Variants in GPLD1 observed in about 807,000 individuals in gnomAD.
The protein encoded by GPLD1 is glycosylphosphatidylinositol specific phospholipase D1.
In GPLD1, 84 loss-of-function variants were observed where a neutral mutation model predicts 112.6. The observed-to-expected ratio is 0.75, with a 90% confidence interval of 0.63 to 0.89. The LOEUF is 0.89. Among genes scored for constraint, GPLD1 ranks in the 40% least tolerant of loss-of-function variants. The probability of loss-of-function intolerance (pLI) is 0.00; values close to 1 mark genes in which losing one functional copy is unlikely to be tolerated. For synonymous variants in GPLD1, 386 were observed against 403.8 expected, an observed-to-expected ratio of 0.96 and a Z score of 0.53; for missense variants, 1,044 against 1,051.5, an observed-to-expected ratio of 0.99 and a Z score of 0.10.
chr6:24,447,218 G>A (rs1365980376), intron 17 of GPLD1, among the ~76,000 whole-genome samples: 1 of 152,058 alleles, frequency 6.6e-6, no homozygotes, highest in Non-Finnish European at 1.5e-5. Flanking sequence ...ATTTAAAAAG[G>A]CTCTGGGCCA....
At chr6:24,449,157 C>G (rs1480349075) in intron 15 of GPLD1, among the ~76,000 whole-genome samples, 4 of 151,856 alleles carry the variant, frequency 2.6e-5, no homozygotes, top group African/African-American at 9.7e-5. Flanking sequence ...GAGCAAAGGT[C>G]GCAAAGTGAG....
At chr6:24,469,921 C>G (rs955966705) in intron 7 of GPLD1, among the ~76,000 whole-genome samples, 1 of 151,854 alleles carries the variant, frequency 6.6e-6, no homozygotes, top group African/African-American at 2.4e-5. Context: ...ATGGCATTCC[C>G]AATAAAAATA....
chr6:24,451,777 T>C (rs1429386735), intron 14 of GPLD1, among the ~76,000 whole-genome samples: 1 of 152,242 alleles, frequency 6.6e-6, no homozygotes, highest in Non-Finnish European at 1.5e-5. Flanking sequence ...GTGGCATCTA[T>C]AAGTGCTGCC....
chr6:24,491,749 T>C (rs1764565421), upstream of GPLD1, among the ~76,000 whole-genome samples: 1 of 151,792 alleles, frequency 6.6e-6, no homozygotes, highest in Non-Finnish European at 1.5e-5. Context: ...TAATCCCAAA[T>C]GTCTCAATTT....
chr6:24,433,777 G>A (rs900513437), intron 22 of GPLD1, among the ~76,000 whole-genome samples: 1 of 151,868 alleles, frequency 6.6e-6, no homozygotes, highest in East Asian at 1.9e-4. Flanking sequence ...TTACAGGCAT[G>A]AGCCACCACG....
chr6:24,445,685 T>A, intron 19 of GPLD1, 41 bp downstream of exon 19: 1 of 1,600,632 alleles, frequency 6.2e-7, no homozygotes, highest in Non-Finnish European at 8.6e-7. Flanking sequence ...GAAAACTTCC[T>A]TGGAGTGTCC....
chr6:24,431,132 T>TA (rs550086705), intron 24 of GPLD1, among the ~76,000 whole-genome samples: 144 of 152,328 alleles, frequency 9.5e-4, no homozygotes, highest in Non-Finnish European at 1.8e-3. Flanking sequence ...ATATTTTTGT[T>TA]ATGTGGTTAA....
chr6:24,481,614 C>T (rs1462473837), intron 2 of GPLD1, among the ~76,000 whole-genome samples: 2 of 152,114 alleles, frequency 1.3e-5, no homozygotes, highest in African/African-American at 4.8e-5. Context: ...CAGAAATGGA[C>T]CTTTGAGCAA....
intron 20 of GPLD1, among the ~76,000 whole-genome samples, chr6:24,443,231 A>G (rs1762803781): frequency 6.6e-6 from 1 of 152,202 alleles, no homozygotes; most frequent in South Asian, 2.1e-4. Context: ...GAACCGAGGA[A>G]GAAGAGAGCT....
At chr6:24,455,748 G>T (rs1203015256) in intron 13 of GPLD1, among the ~76,000 whole-genome samples, 1 of 152,136 alleles carries the variant, frequency 6.6e-6, no homozygotes, top group Non-Finnish European at 1.5e-5. Context: ...AAGAACATCA[G>T]AGCTTTACAA....
At chr6:24,494,521 T>G (rs2127378272), upstream of GPLD1, among the ~76,000 whole-genome samples, 1 of 152,240 alleles carries the variant, frequency 6.6e-6, no homozygotes, top group African/African-American at 2.4e-5. Context: ...AGAAGCGTGA[T>G]CACGGCCTTG....
intron 2 of GPLD1, 28 bp downstream of exon 2, chr6:24,486,047 A>G (rs1267440703): frequency 7.1e-7 from 1 of 1,412,426 alleles, no homozygotes; most frequent in Non-Finnish European, 9.9e-7. Context: ...TAATGCACAA[A>G]GAAGAAAAGA....
chr6:24,449,185 G>C (rs1433398048), intron 15 of GPLD1, among the ~76,000 whole-genome samples: 1 of 152,064 alleles, frequency 6.6e-6, no homozygotes, highest in Non-Finnish European at 1.5e-5. Context: ...GATGAGTTCA[G>C]GACGTGACAG....
chr6:24,437,002 G>A (rs1762599861), intron 21 of GPLD1, 111 bp downstream of exon 21: 1 of 968,706 alleles, frequency 1.0e-6, no homozygotes, highest in African/African-American at 1.6e-5. Flanking sequence ...AAAGGTCCTT[G>A]GGCCACTGGG....
chr6:24,449,627 G>A (rs1230561635), intron 15 of GPLD1, among the ~76,000 whole-genome samples, 162 bp downstream of exon 15: 3 of 152,274 alleles, frequency 2.0e-5, no homozygotes, highest in Admixed American at 6.5e-5. Context: ...TCAAGGTCAC[G>A]GCAAGAACCC....
In GPLD1 at chr6:24,460,381, AT is replaced by A; in HGVS notation, c.905del (p.Asn302MetfsTer7). ...ATGTAGTCAAATTTCTGTGAAAATC[AT>A]TTTTCTGCATTTTTGAGCTGTTGAA... ...NHTQGSKMQKNDFHRNLTTSL... is the reference protein window; with the variant it reads ...NHTQGSKMQKXDFHRNLTTSL... On this transcript the variant is annotated frameshift_variant, in exon 12 of 25. Coordinates refer to ENST00000230036, the MANE Select transcript of GPLD1 (RefSeq NM_001503.4). LOFTEE classifies it high-confidence loss of function. The A allele has an allele frequency of 6.2e-7, 1 of 1,613,604 alleles. No individual in the cohort carries two copies. Among genetic ancestry groups the A allele is most frequent in the African/African-American group, 1.3e-5 (1 of 75,004 alleles).
chr6:24,494,979 G>T, exon 1 of GPLD1: 1 of 1,310,808 alleles, frequency 7.6e-7, no homozygotes, highest in African/African-American at 1.5e-5. Context: ...GTTTCCTGTC[G>T]CCGTCGTTGC....
intron 13 of GPLD1, among the ~76,000 whole-genome samples, chr6:24,456,199 G>C (rs935572448): frequency 6.6e-6 from 1 of 152,052 alleles, no homozygotes; most frequent in Non-Finnish European, 1.5e-5. Context: ...AGAAGTTCGA[G>C]ATCAGCCTGG....
Position 24,433,403 on chromosome 6 carries a change from T to C in GPLD1, c.2359-14A>G, listed in dbSNP as rs369857750. ...TACATATTGGGCCTGAAGAAAAAAA[T>C]TGAGGAGAGAGACAATGTTATTACT... On this transcript the variant is annotated splice_polypyrimidine_tract_variant and intron_variant, in intron 22 of 24. Transcript: ENST00000230036. 35 of 1,589,366 alleles carry C rather than the reference T, an allele frequency of 2.2e-5. No individual in the cohort carries two copies. The highest frequency in any genetic ancestry group is 7.7e-5 in the South Asian group (7 of 90,566).
Sources: allele counts gnomAD v4.1 joint callset (sites outside exome capture counted in the v4.1 genomes callset), GRCh38; gene constraint gnomAD v4.1.1; transcripts MANE v1.5; gene names NCBI Gene and HGNC (gene_info 2026-07-23, HGNC 2026-07-21).